The following PRKG1 variants were observed in gnomAD, a reference collection of about 807,000 sequenced individuals.
PRKG1 encodes cGMP-dependent protein kinase 1.
In PRKG1, 35 loss-of-function variants were observed where a neutral mutation model predicts 88.1. The ratio of observed to expected loss-of-function variants is 0.40; its 90% CI spans 0.30 to 0.53. The LOEUF (loss-of-function observed/expected upper bound fraction) is 0.53. PRKG1 is among the 20% of genes least tolerant of loss of function. PRKG1 has a pLI of 0.59. For missense variants in PRKG1, 540 were observed against 839.8 expected (o/e 0.64, Z 4.41); for synonymous variants, 303 against 292.5 (o/e 1.04, Z -0.37).
intron 1 of PRKG1, among the ~76,000 whole-genome samples, chr10:51,147,130 A>G (rs1478294258): frequency 6.6e-6 from 1 of 152,184 alleles, no homozygotes; most frequent in Non-Finnish European, 1.5e-5. Context: ...TAGAGGCTGC[A>G]AAGAGTAGGG....
At chr10:52,164,431 A>G (rs982199626) in intron 9 of PRKG1, among the ~76,000 whole-genome samples, 1 of 152,128 alleles carries the variant, frequency 6.6e-6, no homozygotes. Context: ...ACCTTAGTGC[A>G]TTTGACATAT....
At chr10:52,105,849 A>G (rs900484573) in intron 7 of PRKG1, among the ~76,000 whole-genome samples, 2 of 150,982 alleles carry the variant, frequency 1.3e-5, no homozygotes, top group African/African-American at 4.9e-5. Flanking sequence ...GTTTTTTGGG[A>G]GACAGGTGGT....
At chr10:51,239,883 G>A (rs1839105364) in intron 2 of PRKG1, among the ~76,000 whole-genome samples, 1 of 152,138 alleles carries the variant, frequency 6.6e-6, no homozygotes, top group African/African-American at 2.4e-5. Flanking sequence ...CACCTTTATA[G>A]GGCCAATATG....
At chr10:51,442,857 C>A (rs1027427985) in intron 2 of PRKG1, among the ~76,000 whole-genome samples, 1 of 152,014 alleles carries the variant, frequency 6.6e-6, no homozygotes, top group African/African-American at 2.4e-5. Flanking sequence ...TTATCTCTAA[C>A]AGTTCTGTGG....
chr10:52,209,355 A>G (rs1352913692), intron 9 of PRKG1, among the ~76,000 whole-genome samples: 1 of 152,180 alleles, frequency 6.6e-6, no homozygotes, highest in African/African-American at 2.4e-5. Flanking sequence ...TTCTTTTTAT[A>G]TTATTTCCAA....
intron 2 of PRKG1, among the ~76,000 whole-genome samples, chr10:51,440,348 T>C (rs1476413532): frequency 6.6e-6 from 1 of 151,980 alleles, no homozygotes; most frequent in African/African-American, 2.4e-5. Flanking sequence ...AGTACATCCC[T>C]GGACTTATGA....
chr10:51,261,354 G>A (rs1342851398), intron 2 of PRKG1, among the ~76,000 whole-genome samples: 1 of 152,096 alleles, frequency 6.6e-6, no homozygotes, highest in African/African-American at 2.4e-5. Context: ...ATTTTGTTTG[G>A]GGTATTATGA....
At chr10:51,795,656 G>A (rs1838991070) in intron 3 of PRKG1, among the ~76,000 whole-genome samples, 1 of 152,186 alleles carries the variant, frequency 6.6e-6, no homozygotes, top group South Asian at 2.1e-4. Flanking sequence ...CTAAGTATCT[G>A]AGTGATCACA....
intron 3 of PRKG1, among the ~76,000 whole-genome samples, chr10:51,503,274 T>C (rs1391875977): frequency 6.6e-6 from 1 of 152,102 alleles, no homozygotes; most frequent in Admixed American, 6.6e-5. Context: ...TCCTTTTATA[T>C]GTAAAACAAA....
At chr10:51,695,702 T>C (rs909929099) in intron 3 of PRKG1, 4 of 152,118 alleles carry the variant, frequency 2.6e-5, no homozygotes, top group Admixed American at 1.3e-4. Context: ...GGGAGGCATA[T>C]AGGAAACATG....
At chr10:51,807,299 A>G (rs1312318199) in intron 4 of PRKG1, among the ~76,000 whole-genome samples, 2 of 152,162 alleles carry the variant, frequency 1.3e-5, no homozygotes, top group African/African-American at 4.8e-5. Flanking sequence ...ATTAAATCAA[A>G]TGTAGGAACC....
At chr10:51,473,479 G>A (rs936266950) in intron 3 of PRKG1, among the ~76,000 whole-genome samples, 1 of 151,770 alleles carries the variant, frequency 6.6e-6, no homozygotes, top group South Asian at 2.1e-4. Context: ...AAAAATTCAT[G>A]TCCAATTTCT....
At chr10:52,225,074 T>C (rs866351798) in intron 9 of PRKG1, among the ~76,000 whole-genome samples, 3 of 152,182 alleles carry the variant, frequency 2.0e-5, no homozygotes, top group South Asian at 2.1e-4. Flanking sequence ...TTTTCCATAG[T>C]GGCCGTACTA....
At chr10:51,935,154 C>T (rs1842775661) in intron 5 of PRKG1, among the ~76,000 whole-genome samples, 1 of 152,042 alleles carries the variant, frequency 6.6e-6, no homozygotes, top group African/African-American at 2.4e-5. Context: ...TCTTATTCAC[C>T]TTGAAAGTTG....
At chr10:51,257,921 G>A (rs989699738) in intron 2 of PRKG1, among the ~76,000 whole-genome samples, 14 of 152,150 alleles carry the variant, frequency 9.2e-5, no homozygotes, top group Non-Finnish European at 1.5e-4. Flanking sequence ...CCAAAAGAGA[G>A]GAGTATGGAT....
At chr10:52,088,769 G>A (rs1428310422) in intron 7 of PRKG1, among the ~76,000 whole-genome samples, 2 of 152,120 alleles carry the variant, frequency 1.3e-5, no homozygotes, top group Admixed American at 6.6e-5. Context: ...GACTGAAAAT[G>A]AGCATTATTT....
chr10:51,313,222 G>T (rs533659457), intron 2 of PRKG1, among the ~76,000 whole-genome samples: 97 of 152,152 alleles, frequency 6.4e-4, no homozygotes, highest in African/African-American at 2.3e-3. Flanking sequence ...TTTGGGAAGA[G>T]GGGCCATAAC....
chr10:51,634,693 A>G lies in PRKG1; in HGVS notation c.592+166857A>G, dbSNP rs574223678. Among the ~76,000 whole-genome samples the G allele has an allele frequency of 3.3e-5, 5 of 152,242 alleles. No homozygotes were observed. The South Asian group carries it at 1.0e-3, about 32-fold the overall frequency. On this transcript the variant is annotated intron_variant, in intron 3 of 17. Transcript: ENST00000373980. ...ATCCTTGTGATTTCCATATGAAGCT[A>G]GAAAGCAATGTTCAAGAGGCTATCA...
chr10:51,123,011 A>G (rs899514181), intron 1 of PRKG1, among the ~76,000 whole-genome samples: 1 of 152,058 alleles, frequency 6.6e-6, no homozygotes, highest in African/African-American at 2.4e-5. Context: ...CTTCCTTAGA[A>G]CCTTCCTCAA....
Sources: gnomAD v4.1 joint callset for allele counts (sites outside exome capture counted in the v4.1 genomes callset) on GRCh38, gnomAD v4.1.1 for gene constraint, MANE v1.5 for transcripts, NCBI Gene and HGNC (gene_info 2026-07-23, HGNC 2026-07-21) for gene names.